Variants in DTNA observed in about 807,000 individuals in gnomAD.
The protein encoded by DTNA is dystrobrevin alpha.
Under a neutral mutation model 100.7 loss-of-function variants are expected in DTNA, and 43 were observed. The observed-to-expected ratio is 0.43, with a 90% CI of 0.33 to 0.55. DTNA has a LOEUF of 0.55. Among genes scored for constraint, DTNA ranks in the 20% least tolerant of loss-of-function variants. The probability of loss-of-function intolerance (pLI) is 0.04; values close to 1 mark genes in which losing one functional copy is unlikely to be tolerated. For synonymous variants in DTNA, 349 were observed against 347.9 expected (o/e 1.00, Z -0.04); for missense variants, 798 against 953.9 (o/e 0.84, Z 2.15).
intron 1 of DTNA, among the ~76,000 whole-genome samples, chr18:34,658,321 A>G (rs2074687247): frequency 6.6e-6 from 1 of 152,174 alleles, no homozygotes; most frequent in Non-Finnish European, 1.5e-5. Flanking sequence ...CCAAATTAGT[A>G]TCCAAATTTT....
At chr18:34,720,783 G>A (rs2085130316) in intron 1 of DTNA, among the ~76,000 whole-genome samples, 1 of 152,118 alleles carries the variant, frequency 6.6e-6, no homozygotes, top group African/African-American at 2.4e-5. Flanking sequence ...GTGGGGTGGG[G>A]AATCTCTCTC....
rs955307938 is a variant in DTNA at position 34,676,757 on chromosome 18, C to A, written c.-1-79219C>A. Among the ~76,000 whole-genome samples the A allele has an allele frequency of 2.0e-5, 3 of 152,110 alleles. No individual in the cohort carries two copies. The South Asian group carries it at 6.2e-4, about 32-fold the overall frequency. ...GGTTGAGATGGGAAGATTGCTTGAG[C>A]CTGGGGAGCTTGAGGCTGCAGTGAG... On this transcript the variant is annotated intron_variant, in intron 1 of 19. Coordinates refer to the DTNA transcript ENST00000283365.
At chr18:34,612,371 C>T (rs1054612812) in intron 1 of DTNA, among the ~76,000 whole-genome samples, 6 of 152,124 alleles carry the variant, frequency 3.9e-5, no homozygotes, top group East Asian at 1.9e-4. Context: ...GGACAGTGGG[C>T]GATGGTGGCC....
intron 1 of DTNA, among the ~76,000 whole-genome samples, chr18:34,716,131 A>G (rs147727301): frequency 6.6e-6 from 1 of 152,242 alleles, no homozygotes; most frequent in Non-Finnish European, 1.5e-5. Context: ...TACTACTAGG[A>G]ATATGTCCTA....
intron 17 of DTNA, chr18:34,866,220 G>A (rs1458942867): frequency 1.9e-6 from 3 of 1,612,940 alleles, no homozygotes; most frequent in East Asian, 2.2e-5. Context: ...TCTAATGTAT[G>A]TTCATGCTTC....
At chr18:34,779,093 G>T (rs1480826348) in intron 3 of DTNA, among the ~76,000 whole-genome samples, 1 of 152,014 alleles carries the variant, frequency 6.6e-6, no homozygotes, top group African/African-American at 2.4e-5. Flanking sequence ...TGTGCCAGGT[G>T]CTCTGTAGAC....
Position 34,732,691 on chromosome 18 carries a change from C to T in DTNA, c.-2+22246C>T, listed in dbSNP as rs576732702. On this transcript the variant is annotated intron_variant, in intron 1 of 22. Coordinates refer to ENST00000444659, the MANE Select transcript of DTNA (RefSeq NM_001386795.1). ...ATCCCAAGCAAAGAAAATTAAATCA[C>T]ACAACAAATATTTTCTAAGTCTAAA... 3.3e-4 allele frequency among the ~76,000 whole-genome samples: 50 copies of T among 152,306 alleles called. No individual in the cohort carries two copies. In the South Asian group the frequency reaches 0.01, roughly 31 times the overall value.
intron 1 of DTNA, among the ~76,000 whole-genome samples, chr18:34,568,135 T>G (rs888325711): frequency 6.6e-6 from 1 of 151,996 alleles, no homozygotes; most frequent in African/African-American, 2.4e-5. Flanking sequence ...TCACACTAGA[T>G]GAAGGGTAAT....
intron 1 of DTNA, among the ~76,000 whole-genome samples, chr18:34,577,999 G>C: frequency 6.6e-6 from 1 of 151,510 alleles, no homozygotes; most frequent in South Asian, 2.1e-4. Context: ...GGGATTGCTG[G>C]ATCAAATGGT....
Position 34,827,250 on chromosome 18 carries a change from T to C in DTNA, c.1002-343T>C, listed in dbSNP as rs966008792. ...GATTCAATGATCAGGTCTTCAAGGC[T>C]TCTTGAGAAGGCAGTAGAAGTAAAG... On this transcript the variant is annotated intron_variant, in intron 9 of 22. Coordinates refer to ENST00000444659, the MANE Select transcript of DTNA (RefSeq NM_001386795.1). Among the ~76,000 whole-genome samples the C allele has an allele frequency of 5.3e-5, 8 of 150,856 alleles. 1 individual carries two copies. The highest frequency in any genetic ancestry group is 2.0e-4 in the African/African-American group (8 of 40,876).
intron 1 of DTNA, among the ~76,000 whole-genome samples, chr18:34,582,648 A>G (rs1199844736): frequency 1.3e-5 from 2 of 152,198 alleles, no homozygotes; most frequent in Non-Finnish European, 2.9e-5. Flanking sequence ...TGCCAAGAAT[A>G]ACCTGTGTTT....
chr18:34,786,898 C>T (rs543964754), intron 3 of DTNA, among the ~76,000 whole-genome samples: 13 of 152,270 alleles, frequency 8.5e-5, no homozygotes, highest in Admixed American at 5.9e-4. Flanking sequence ...TCACAACCTA[C>T]GAAGACATTT....
At chr18:34,714,894 C>A (rs2083680382) in intron 1 of DTNA, among the ~76,000 whole-genome samples, 2 of 152,096 alleles carry the variant, frequency 1.3e-5, no homozygotes, top group South Asian at 2.1e-4. Context: ...ATAATGAGTT[C>A]ATGTCCTTTG....
At chr18:34,733,156 G>A (rs1289026571) in intron 1 of DTNA, among the ~76,000 whole-genome samples, 1 of 152,094 alleles carries the variant, frequency 6.6e-6, no homozygotes, top group African/African-American at 2.4e-5. Context: ...ATGGGAGAAA[G>A]ATTCACTGCA....
chr18:34,768,323 A>T (rs1382223782), intron 3 of DTNA, among the ~76,000 whole-genome samples: 1 of 152,170 alleles, frequency 6.6e-6, no homozygotes, highest in Non-Finnish European at 1.5e-5. Flanking sequence ...AAAAAAGCAA[A>T]AAAAGGAAAA....
chr18:34,651,551 ATTAAC>A (rs1305993123), intron 1 of DTNA, among the ~76,000 whole-genome samples: 2 of 152,212 alleles, frequency 1.3e-5, no homozygotes, highest in Non-Finnish European at 2.9e-5. Flanking sequence ...CACTTAACAA[ATTAAC>A]TTAATTAATA....
chr18:34,749,925 C>T (rs2092143758), intron 1 of DTNA, among the ~76,000 whole-genome samples: 1 of 152,048 alleles, frequency 6.6e-6, no homozygotes, highest in African/African-American at 2.4e-5. Flanking sequence ...ATATCAAAGG[C>T]CTTCCTCATT....
intron 1 of DTNA, among the ~76,000 whole-genome samples, chr18:34,626,121 G>A (rs904997614): frequency 6.6e-6 from 1 of 152,134 alleles, no homozygotes; most frequent in Non-Finnish European, 1.5e-5. Flanking sequence ...TTTATATAAA[G>A]TTCCTCTAAA....
At chr18:34,824,582 G>A (rs556448759) in intron 9 of DTNA, among the ~76,000 whole-genome samples, 4 of 152,180 alleles carry the variant, frequency 2.6e-5, no homozygotes, top group Non-Finnish European at 5.9e-5. Context: ...TAAAAAAAAT[G>A]CTGTTAGTCC....
Sources: allele counts gnomAD v4.1 joint callset (sites outside exome capture counted in the v4.1 genomes callset), GRCh38; gene constraint gnomAD v4.1.1; transcripts MANE v1.5; gene names NCBI Gene and HGNC (gene_info 2026-07-23, HGNC 2026-07-21).